Variants in MAPK10 observed in about 807,000 individuals in gnomAD.
MAPK10 encodes JNK3 alpha protein kinase.
Under a neutral mutation model 59.3 loss-of-function variants are expected in MAPK10, and 25 were observed. The observed-to-expected ratio is 0.42, with a 90% CI of 0.31 to 0.59. The LOEUF is 0.59. Among genes scored for constraint, MAPK10 ranks in the 20% least tolerant of loss-of-function variants. The pLI is 0.15. For synonymous variants in MAPK10, 190 were observed against 200.5 expected (o/e 0.95, Z 0.44); for missense variants, 351 against 568.9 (o/e 0.62, Z 3.90).
chr4:86,520,417 A>G (rs897369480), intron 1 of MAPK10, among the ~76,000 whole-genome samples: 6 of 151,990 alleles, frequency 3.9e-5, no homozygotes, highest in Admixed American at 3.9e-4. Flanking sequence ...GAAATTTTCC[A>G]GTGTATTTTG....
At chr4:86,474,698 A>C (rs148805345) in intron 1 of MAPK10, among the ~76,000 whole-genome samples, 14 of 152,340 alleles carry the variant, frequency 9.2e-5, no homozygotes, top group Middle Eastern at 3.4e-3. Flanking sequence ...ACTGACTAGC[A>C]GCTAATATAA....
At position 86,016,153 on chromosome 4, in the gene MAPK10, A is replaced by T. The variant is rs1743227607; in HGVS notation, c.*1075T>A. ...GAGAGAGATTCTTATCATCAAAAGCACACACAATAACCTTGCTTCACCACC... is the reference window on the plus strand; with the variant it reads ...GAGAGAGATTCTTATCATCAAAAGCTCACACAATAACCTTGCTTCACCACC... On this transcript the variant is annotated 3_prime_UTR_variant, in exon 14 of 14. Transcript: ENST00000641462. 6.6e-6 allele frequency: 1 copy of T among 152,138 alleles called. No homozygotes were observed. 9.4% of individuals were successfully genotyped at this position (152,138 alleles called of 1,614,324 possible). A position where few individuals can be genotyped will look rare whatever the true frequency, so the allele number is the denominator to read the frequency against.
At chr4:86,284,202 A>G (rs1373386243) in intron 2 of MAPK10, among the ~76,000 whole-genome samples, 2 of 152,230 alleles carry the variant, frequency 1.3e-5, no homozygotes, top group Non-Finnish European at 2.9e-5. Context: ...TGCTATTATT[A>G]TCTCCATTTT....
chr4:86,563,847 T>G, intron 1 of MAPK10, among the ~76,000 whole-genome samples: 1 of 152,150 alleles, frequency 6.6e-6, no homozygotes, highest in Non-Finnish European at 1.5e-5. Flanking sequence ...TATTATTTTT[T>G]TTGAGACGGA....
intron 13 of MAPK10, 80 bp downstream of exon 13, chr4:86,029,117 G>A (rs1751878317): frequency 1.1e-6 from 1 of 872,160 alleles, no homozygotes; most frequent in Admixed American, 1.7e-5. Flanking sequence ...GCAATGTTAT[G>A]TTATTTCTTG....
chr4:86,101,332 A>G (rs1392527481), intron 7 of MAPK10, 115 bp from the exon 8 acceptor site: 1 of 658,226 alleles, frequency 1.5e-6, no homozygotes, highest in African/African-American at 1.8e-5. Context: ...CCCCTTGCCT[A>G]CAGAGCTCTA....
chr4:86,164,637 A>G (rs773412363), intron 3 of MAPK10: 15 of 152,154 alleles, frequency 9.9e-5, no homozygotes, highest in Non-Finnish European at 2.1e-4. Context: ...TATGACTTGT[A>G]TGATATTAAC....
chr4:86,479,992 A>T (rs1405533796), intron 1 of MAPK10, among the ~76,000 whole-genome samples: 1 of 151,926 alleles, frequency 6.6e-6, no homozygotes, highest in Non-Finnish European at 1.5e-5. Context: ...TACCACCCCC[A>T]AAAATTTTCG....
intron 2 of MAPK10, among the ~76,000 whole-genome samples, chr4:86,314,004 A>G (rs186474815): frequency 2.3e-5 from 3 of 129,528 alleles, no homozygotes; most frequent in Non-Finnish European, 5.2e-5. Context: ...CAAGCAATGC[A>G]AAAGATCAGA....
chr4:86,576,097 T>A (rs79131895), intron 1 of MAPK10, among the ~76,000 whole-genome samples: 7,079 of 151,822 alleles, frequency 0.047, 218 homozygotes, highest in African/African-American at 0.058. Flanking sequence ...GCTTAAGTGA[T>A]CTTCTCACCT....
At chr4:86,258,394 ATCC>A (rs906541612) in intron 2 of MAPK10, among the ~76,000 whole-genome samples, 6 of 152,030 alleles carry the variant, frequency 3.9e-5, no homozygotes, top group African/African-American at 1.4e-4. Context: ...ATAAATTAAC[ATCC>A]TCCTGTCAAC....
chr4:86,347,685 C>T (rs1316668416), intron 2 of MAPK10, among the ~76,000 whole-genome samples: 5 of 152,074 alleles, frequency 3.3e-5, no homozygotes, highest in African/African-American at 9.7e-5. Context: ...GTTGAGGTTT[C>T]GCTTTCTGGG....
At chr4:86,501,377 C>G (rs190188181) in intron 1 of MAPK10, among the ~76,000 whole-genome samples, 1 of 151,610 alleles carries the variant, frequency 6.6e-6, no homozygotes, top group African/African-American at 2.4e-5. Flanking sequence ...TTTTTCTGAA[C>G]CAAGGAATCA....
At chr4:86,208,946 T>C (rs2084993781) in intron 2 of MAPK10, among the ~76,000 whole-genome samples, 9 of 152,020 alleles carry the variant, frequency 5.9e-5, no homozygotes, top group Admixed American at 5.3e-4. Context: ...AATAAGAAGA[T>C]TAATACAATA....
intron 1 of MAPK10, chr4:86,357,629 C>A (rs183422073): frequency 5.9e-5 from 9 of 152,208 alleles, no homozygotes; most frequent in Admixed American, 2.0e-4. Flanking sequence ...CTAATAGCTG[C>A]AGACATACCA....
chr4:86,569,667 A>C (rs1234151488), intron 1 of MAPK10, among the ~76,000 whole-genome samples: 1 of 152,162 alleles, frequency 6.6e-6, no homozygotes, highest in Non-Finnish European at 1.5e-5. Context: ...GATGGGACTG[A>C]AGACCATTAT....
intron 2 of MAPK10, among the ~76,000 whole-genome samples, chr4:86,246,151 G>A (rs527322134): frequency 1.3e-5 from 2 of 152,250 alleles, no homozygotes; most frequent in African/African-American, 4.8e-5. Context: ...AAGTTGTTGG[G>A]CCAGGCGCGG....
chr4:86,134,589 A>T (rs905997054), intron 4 of MAPK10, among the ~76,000 whole-genome samples: 6 of 152,240 alleles, frequency 3.9e-5, no homozygotes, highest in Non-Finnish European at 7.3e-5. Flanking sequence ...TCCAAATCAT[A>T]AGAAGTTAGG....
chr4:86,386,764 G>A (rs1373024731), intron 1 of MAPK10, among the ~76,000 whole-genome samples: 14 of 152,086 alleles, frequency 9.2e-5, no homozygotes. Flanking sequence ...TAAGTTCTCT[G>A]CCCACAAAAA....
Sources: allele counts gnomAD v4.1 joint callset (sites outside exome capture counted in the v4.1 genomes callset), GRCh38; gene constraint gnomAD v4.1.1; transcripts MANE v1.5; gene names NCBI Gene and HGNC (gene_info 2026-07-23, HGNC 2026-07-21).